The following CDC25A variants were observed in gnomAD, a reference collection of about 807,000 sequenced individuals.
CDC25A encodes cell division cycle 25A.
CDC25A carries 17 observed loss-of-function variants against 64.6 expected under a neutral mutation model. The ratio of observed to expected loss-of-function variants is 0.26; its 90% confidence interval spans 0.18 to 0.39. The LOEUF is 0.39. Among genes scored for constraint, CDC25A ranks in the 10% least tolerant of loss-of-function variants. CDC25A has a pLI of 1.00. For synonymous variants in CDC25A, 229 were observed against 238.6 expected, an observed-to-expected ratio of 0.96 and a Z score of 0.37; for missense variants, 473 against 654.8, an observed-to-expected ratio of 0.72 and a Z score of 3.03.
intron 12 of CDC25A, 131 bp from the exon 13 acceptor site, chr3:48,164,568 T>C: frequency 1.3e-6 from 1 of 795,148 alleles, no homozygotes; most frequent in East Asian, 3.2e-5. Flanking sequence ...GCAGTTCTTC[T>C]AGCTGAATAG....
chr3:48,176,878 G>T (rs1228052129), intron 8 of CDC25A, among the ~76,000 whole-genome samples: 2 of 151,714 alleles, frequency 1.3e-5, no homozygotes, highest in African/African-American at 4.8e-5. Context: ...GGCTGAGGCA[G>T]GAGAATCACT....
intron 10 of CDC25A, among the ~76,000 whole-genome samples, chr3:48,166,566 A>C (rs1221364776): frequency 1.3e-5 from 2 of 152,190 alleles, no homozygotes; most frequent in Non-Finnish European, 1.5e-5. Context: ...TTTACTGAGC[A>C]CCTGCTATGT....
chr3:48,186,617 AG>A, intron 2 of CDC25A, 85 bp downstream of exon 2: 1 of 811,118 alleles, frequency 1.2e-6, no homozygotes, highest in Non-Finnish European at 2.1e-6. Context: ...GACTTCCTCA[AG>A]TTCTCACCAA....
Position 48,159,071 on chromosome 3 carries a change from G to A in CDC25A, c.1449C>T (p.Pro483=), listed in dbSNP as rs1251232947. 6.2e-7 allele frequency: 1 copy of A among 1,614,086 alleles called. No homozygotes were observed. Among genetic ancestry groups the A allele is most frequent in the South Asian group, 1.1e-5 (1 of 91,076 alleles). The change falls in exon 15 of 15, where the codon CCC becomes CCT. Residue 483 remains proline, a synonymous_variant. Transcript: ENST00000302506. ...FFMKCQSYCE[P]PSYRPMHHED... is the part of the protein sequence containing the mutation. ...CGTGGTGCATGGGCCGGTAGCTAGGGGGCTCACAGTAAGACTGAGGGGACA... is the reference window on the plus strand; with the variant it reads ...CGTGGTGCATGGGCCGGTAGCTAGGAGGCTCACAGTAAGACTGAGGGGACA...
rs147735064 is a variant in CDC25A, at chr3:48,167,033, G to A, written c.1029+813C>T. Among the ~76,000 whole-genome samples the A allele has an allele frequency of 3.3e-5, 5 of 152,166 alleles. No homozygotes were observed. In the East Asian group the frequency reaches 9.7e-4, roughly 29 times the overall value. ...CTGAAATATCAACGGCCCAACCCCA[G>A]ACGTTCCCCAACCCCCTAGCCAAGA... On this transcript the variant is annotated intron_variant, in intron 10 of 14. Coordinates refer to ENST00000302506, the MANE Select transcript of CDC25A (RefSeq NM_001789.3).
intron 13 of CDC25A, chr3:48,161,108 T>G (rs2031740101): frequency 7.3e-6 from 1 of 137,052 alleles, no homozygotes; most frequent in African/African-American, 2.9e-5. Flanking sequence ...GCCGAGATTG[T>G]GCCACTGCAT....
intron 14 of CDC25A, 94 bp from the exon 15 acceptor site, chr3:48,159,179 C>T (rs2031645975): frequency 2.7e-6 from 4 of 1,482,408 alleles, no homozygotes; most frequent in African/African-American, 2.8e-5. Context: ...CTGAAAGCGG[C>T]CAGGCAGACC....
intron 1 of CDC25A, 88 bp downstream of exon 1, chr3:48,187,690 C>G: frequency 7.5e-7 from 1 of 1,326,940 alleles, no homozygotes; most frequent in Non-Finnish European, 1.0e-6. Context: ...GGGTCTCGCC[C>G]TTCTCCCGGT....
intron 9 of CDC25A, among the ~76,000 whole-genome samples, chr3:48,169,306 T>C (rs1575263744): frequency 6.6e-6 from 1 of 152,176 alleles, no homozygotes; most frequent in East Asian, 1.9e-4. Context: ...TGAAATGAAG[T>C]AAAAAATCTG....
chr3:48,171,093 C>T (rs145325582), intron 9 of CDC25A, among the ~76,000 whole-genome samples: 4 of 152,050 alleles, frequency 2.6e-5, no homozygotes, highest in South Asian at 2.1e-4. Context: ...ATATTCTGGC[C>T]GGGCACAGTG....
chr3:48,169,773 C>T (rs1038240223), intron 9 of CDC25A, among the ~76,000 whole-genome samples: 2 of 151,882 alleles, frequency 1.3e-5, no homozygotes, highest in East Asian at 1.9e-4. Flanking sequence ...TTTGGGAGGC[C>T]GAGGTGAGTG....
intron 7 of CDC25A, 29 bp downstream of exon 7, chr3:48,177,825 A>G: frequency 6.7e-7 from 1 of 1,494,194 alleles, no homozygotes; most frequent in South Asian, 1.2e-5. Flanking sequence ...AGTAGAACAA[A>G]TAGGAACACA....
intron 9 of CDC25A, among the ~76,000 whole-genome samples, chr3:48,170,748 A>AGT (rs2032240512): frequency 6.6e-6 from 1 of 152,216 alleles, no homozygotes; most frequent in Non-Finnish European, 1.5e-5. Context: ...CTGTCTTTCC[A>AGT]GTGACCAGTC....
Position 48,158,978 on chromosome 3 carries a change from C to T in CDC25A, c.1542G>A (p.Lys514=), listed in dbSNP as rs969055356. The change falls in exon 15 of 15, where the codon AAG becomes AAA. Residue 514 remains lysine, a synonymous_variant. Coordinates refer to ENST00000302506, the MANE Select transcript of CDC25A (RefSeq NM_001789.3). ...KSRTWAGEKS[K]REMYSRLKKL ...TCTTCAGACGACTGTACATCTCCCT[C>T]TTGCTCTTCTCCCCTGCCCAGGTCC... 2.5e-6 allele frequency: 4 copies of T among 1,614,192 alleles called. No homozygotes were observed. Among genetic ancestry groups the T allele is most frequent in the Non-Finnish European group, 3.4e-6 (4 of 1,180,026 alleles).
intron 7 of CDC25A, 38 bp from the exon 8 acceptor site, chr3:48,177,480 TAG>T (rs1390987254): frequency 6.7e-7 from 1 of 1,496,050 alleles, no homozygotes; most frequent in African/African-American, 1.4e-5. Flanking sequence ...AAAGAGCCTG[TAG>T]AGACTAACAT....
At chr3:48,174,601 A>T in intron 8 of CDC25A, 144 bp from the exon 9 acceptor site, 1 of 719,576 alleles carries the variant, frequency 1.4e-6, no homozygotes, top group Non-Finnish European at 2.3e-6. Flanking sequence ...ATCTAGTCCT[A>T]GCAACTCTCA....
intron 14 of CDC25A, 108 bp downstream of exon 14, chr3:48,159,236 C>T (rs2031647892): frequency 4.0e-6 from 5 of 1,256,438 alleles, no homozygotes; most frequent in Middle Eastern, 1.9e-4. Context: ...AGCAGATACC[C>T]ACCTTGTCCC....
chr3:48,161,727 G>A (rs765151420), intron 13 of CDC25A, among the ~76,000 whole-genome samples: 4 of 151,966 alleles, frequency 2.6e-5, no homozygotes, highest in Non-Finnish European at 5.9e-5. Context: ...AAAAAAAAGA[G>A]AGCAGCATCT....
chr3:48,184,194 T>C (rs560092790), intron 3 of CDC25A, among the ~76,000 whole-genome samples: 2 of 152,044 alleles, frequency 1.3e-5, no homozygotes, highest in Non-Finnish European at 2.9e-5. Flanking sequence ...AAACCTCGTG[T>C]CTACTAAAAA....
Sources: gnomAD v4.1 joint callset for allele counts (sites outside exome capture counted in the v4.1 genomes callset) on GRCh38, gnomAD v4.1.1 for gene constraint, MANE v1.5 for transcripts, NCBI Gene and HGNC (gene_info 2026-07-23, HGNC 2026-07-21) for gene names.